AGBL1: variants seen among roughly 807,000 people sequenced by gnomAD.
AGBL1 encodes AGBL carboxypeptidase 1.
In AGBL1, 130 loss-of-function variants were observed where a neutral mutation model predicts 118.9. The observed-to-expected ratio is 1.09, with a 90% confidence interval of 0.95 to 1.26. AGBL1 has a LOEUF of 1.26. Among genes scored for constraint, AGBL1 ranks in the 50% most tolerant of loss-of-function variants. The pLI, the probability that AGBL1 is intolerant of heterozygous loss-of-function variation, is 0.00. For missense variants in AGBL1, 1,584 were observed against 1,298.1 expected (o/e 1.22, Z -3.38); for synonymous variants, 555 against 478.9 (o/e 1.16, Z -2.08).
intron 17 of AGBL1, among the ~76,000 whole-genome samples, chr15:86,324,426 G>A (rs1194132315): frequency 1.3e-5 from 2 of 152,150 alleles, no homozygotes; most frequent in Non-Finnish European, 2.9e-5. Flanking sequence ...CTAGGCTTAG[G>A]AATCATAGTG....
In AGBL1 at chr15:86,780,158, A is replaced by G. The variant is rs115520596; in HGVS notation, c.3158+105722A>G. ...TCCACTTTTAGTTATTTCTGTATAT[A>G]ATATGATGTAAGGAACAAGACACAT... On this transcript the variant is annotated intron_variant, in intron 22 of 22. Transcript: ENST00000614907. Among the ~76,000 whole-genome samples, 1,114 of 151,630 alleles carry G rather than the reference A, an allele frequency of 7.3e-3. 8 individuals are homozygous for G. The highest frequency in any genetic ancestry group is 0.026 in the African/African-American group (1,074 of 41,394).
intron 17 of AGBL1, among the ~76,000 whole-genome samples, chr15:86,320,325 T>G (rs1162220130): frequency 6.6e-6 from 1 of 152,044 alleles, no homozygotes; most frequent in African/African-American, 2.4e-5. Flanking sequence ...ATAAAGAGCT[T>G]GCTTTCACAT....
At chr15:86,265,567 C>A (rs1001713408) in intron 11 of AGBL1, among the ~76,000 whole-genome samples, 1 of 152,188 alleles carries the variant, frequency 6.6e-6, no homozygotes, top group African/African-American at 2.4e-5. Flanking sequence ...TTATTATCCA[C>A]GTCATCTGTA....
intron 17 of AGBL1, among the ~76,000 whole-genome samples, chr15:86,391,290 T>C (rs1378807939): frequency 1.3e-5 from 2 of 152,190 alleles, no homozygotes; most frequent in Non-Finnish European, 2.9e-5. Context: ...TCAAGATACA[T>C]TGGTAAATGA....
intron 11 of AGBL1, among the ~76,000 whole-genome samples, chr15:86,266,171 C>T (rs772465844): frequency 3.9e-5 from 6 of 152,124 alleles, no homozygotes; most frequent in Non-Finnish European, 8.8e-5. Flanking sequence ...ACTTCTTATG[C>T]AGTTTTATTT....
At chr15:86,521,690 G>T (rs541379783) in intron 18 of AGBL1, among the ~76,000 whole-genome samples, 2 of 152,288 alleles carry the variant, frequency 1.3e-5, no homozygotes, top group East Asian at 3.9e-4. Context: ...AATGGGTGAT[G>T]TATTGTGTAC....
chr15:86,973,481 G>T (rs113480815), intron 23 of AGBL1, among the ~76,000 whole-genome samples: 1 of 151,796 alleles, frequency 6.6e-6, no homozygotes, highest in Non-Finnish European at 1.5e-5. Flanking sequence ...TCCTCTTCAG[G>T]GAACTAGTTC....
At chr15:87,011,078 T>C (rs2141780773) in intron 24 of AGBL1, among the ~76,000 whole-genome samples, 1 of 152,356 alleles carries the variant, frequency 6.6e-6, no homozygotes, top group Non-Finnish European at 1.5e-5. Flanking sequence ...TGAGACCATG[T>C]CAGCAGTTCT....
At chr15:86,875,252 C>A (rs2079791095) in intron 22 of AGBL1, among the ~76,000 whole-genome samples, 1 of 152,160 alleles carries the variant, frequency 6.6e-6, no homozygotes, top group African/African-American at 2.4e-5. Flanking sequence ...CATGCTCTGC[C>A]ACTGTCACCA....
chr15:86,387,755 C>T (rs900383151), intron 17 of AGBL1, among the ~76,000 whole-genome samples: 4 of 152,176 alleles, frequency 2.6e-5, no homozygotes, highest in African/African-American at 9.7e-5. Flanking sequence ...CCTGCTGTCC[C>T]CAAGAATCCC....
At chr15:86,308,786 G>A (rs1288537914) in intron 17 of AGBL1, among the ~76,000 whole-genome samples, 1 of 152,130 alleles carries the variant, frequency 6.6e-6, no homozygotes, top group Admixed American at 6.5e-5. Flanking sequence ...CTGTAAGTTC[G>A]TTTTTATGAT....
At chr15:86,387,861 C>G (rs1222886665) in intron 17 of AGBL1, among the ~76,000 whole-genome samples, 1 of 152,166 alleles carries the variant, frequency 6.6e-6, no homozygotes, top group Non-Finnish European at 1.5e-5. Context: ...AAATCCATCA[C>G]TGAAAGATGT....
chr15:86,159,048 T>C (rs1022560369), intron 5 of AGBL1, 22 bp downstream of exon 5: 8 of 1,603,104 alleles, frequency 5.0e-6, no homozygotes, highest in Non-Finnish European at 6.8e-6. Context: ...CATGTAATAC[T>C]TCTGCCCCTT....
chr15:86,530,033 G>C (rs1254345597), intron 19 of AGBL1, among the ~76,000 whole-genome samples: 1 of 129,098 alleles, frequency 7.7e-6, no homozygotes. Flanking sequence ...ATCGAGACTA[G>C]GAAGAAACTG....
chr15:86,424,311 G>A (rs1483510990), intron 18 of AGBL1, among the ~76,000 whole-genome samples: 7 of 152,120 alleles, frequency 4.6e-5, no homozygotes, highest in Non-Finnish European at 8.8e-5. Context: ...TTAATAAATG[G>A]CATTGAGAAA....
chr15:86,726,991 C>T (rs1480986453), intron 22 of AGBL1, among the ~76,000 whole-genome samples: 1 of 152,008 alleles, frequency 6.6e-6, no homozygotes, highest in Non-Finnish European at 1.5e-5. Context: ...AGTCTTGGCA[C>T]AGTTAAGAAG....
At chr15:86,084,443 A>G (rs1052741262) in intron 1 of AGBL1, among the ~76,000 whole-genome samples, 1 of 152,218 alleles carries the variant, frequency 6.6e-6, no homozygotes, top group African/African-American at 2.4e-5. Flanking sequence ...CCTGTCTTAC[A>G]GATGAGGACA....
intron 22 of AGBL1, among the ~76,000 whole-genome samples, chr15:86,776,307 T>C (rs2141297862): frequency 6.6e-6 from 1 of 152,246 alleles, no homozygotes; most frequent in Admixed American, 6.6e-5. Flanking sequence ...CTGAGCTACT[T>C]CCTCATCGTA....
intron 18 of AGBL1, among the ~76,000 whole-genome samples, chr15:86,469,036 G>A (rs977569573): frequency 6.6e-6 from 1 of 152,134 alleles, no homozygotes; most frequent in Non-Finnish European, 1.5e-5. Flanking sequence ...ATGCTTATCA[G>A]TCAAGCTAGT....
Sources: gnomAD v4.1 joint callset for allele counts (sites outside exome capture counted in the v4.1 genomes callset) on GRCh38, gnomAD v4.1.1 for gene constraint, MANE v1.5 for transcripts, NCBI Gene and HGNC (gene_info 2026-07-23, HGNC 2026-07-21) for gene names.